UST: variants seen among roughly 807,000 people sequenced by gnomAD.
The protein encoded by UST is chondroitin sulfate 2-O-sulfotransferase.
In UST, 21 loss-of-function variants were observed where a neutral mutation model predicts 45.6. The ratio of observed to expected loss-of-function variants is 0.46; its 90% CI spans 0.33 to 0.66. The LOEUF is 0.66. Ranked by LOEUF, UST falls within the 30% of genes least tolerant of loss-of-function variation. The pLI, the probability that UST is intolerant of heterozygous loss-of-function variation, is 0.02. For synonymous variants in UST, 215 were observed against 200.6 expected, an observed-to-expected ratio of 1.07 and a Z score of -0.61; for missense variants, 463 against 512.4, an observed-to-expected ratio of 0.90 and a Z score of 0.93.
intron 2 of UST, among the ~76,000 whole-genome samples, chr6:148,907,922 T>G: frequency 7.1e-6 from 1 of 141,560 alleles, no homozygotes; most frequent in East Asian, 2.0e-4. Flanking sequence ...TTTTTTTTTT[T>G]TTTTTTGACA....
intron 1 of UST, among the ~76,000 whole-genome samples, chr6:148,839,058 CTT>C (rs1315460733): frequency 6.6e-6 from 1 of 152,222 alleles, no homozygotes; most frequent in East Asian, 1.9e-4. Flanking sequence ...ACTCCTCAAA[CTT>C]TAATGTGCAG....
At chr6:148,859,783 T>TG (rs1778272098) in intron 1 of UST, among the ~76,000 whole-genome samples, 1 of 152,212 alleles carries the variant, frequency 6.6e-6, no homozygotes, top group Admixed American at 6.5e-5. Flanking sequence ...TTGTCAGGTT[T>TG]GTCAAAGATC....
Position 149,021,046 on chromosome 6 carries a change from T to TC in UST, c.780-277dup, listed in dbSNP as rs759882182. ...CCTAACTGCTTGTGCCTGCATTCAT[T>TC]CGTCCACAATACTTAGGCAGGGCCT... On this transcript the variant is annotated intron_variant, in intron 6 of 7. Coordinates refer to ENST00000367463, the MANE Select transcript of UST (RefSeq NM_005715.3). Among the ~76,000 whole-genome samples the TC allele has an allele frequency of 3.9e-5, 6 of 152,332 alleles. 1 individual carries two copies. The highest frequency in any genetic ancestry group is 1.3e-4 in the Admixed American group (2 of 15,294).
intron 7 of UST, among the ~76,000 whole-genome samples, chr6:149,042,078 A>G (rs1311715527): frequency 6.6e-6 from 1 of 152,234 alleles, no homozygotes; most frequent in Non-Finnish European, 1.5e-5. Context: ...TGTGATAAAC[A>G]TTTTATGTGG....
intron 2 of UST, among the ~76,000 whole-genome samples, chr6:148,921,167 A>T (rs1017709422): frequency 7.9e-5 from 12 of 152,248 alleles, no homozygotes; most frequent in African/African-American, 2.9e-4. Flanking sequence ...GCAACCAGGC[A>T]GACAGAATCC....
intron 7 of UST, among the ~76,000 whole-genome samples, chr6:149,048,845 G>A (rs1776431786): frequency 6.6e-6 from 1 of 152,166 alleles, no homozygotes; most frequent in Non-Finnish European, 1.5e-5. Context: ...TCTGTTATGT[G>A]AACAAACACT....
intron 7 of UST, among the ~76,000 whole-genome samples, chr6:149,036,988 C>T (rs1776248047): frequency 6.6e-6 from 1 of 152,136 alleles, no homozygotes; most frequent in African/African-American, 2.4e-5. Flanking sequence ...GGTATCATTC[C>T]ACATAACCTG....
chr6:148,872,883 A>T (rs1387191767), intron 1 of UST, among the ~76,000 whole-genome samples: 1 of 152,090 alleles, frequency 6.6e-6, no homozygotes, highest in Non-Finnish European at 1.5e-5. Context: ...GATTACATTG[A>T]TTCGTCCCAA....
At chr6:148,887,271 G>C (rs186185513) in intron 2 of UST, among the ~76,000 whole-genome samples, 1 of 152,378 alleles carries the variant, frequency 6.6e-6, no homozygotes, top group Non-Finnish European at 1.5e-5. Flanking sequence ...TGGAGCCTGA[G>C]ACTGACTTCA....
At chr6:149,046,864 G>A (rs539134146) in intron 7 of UST, among the ~76,000 whole-genome samples, 1 of 152,334 alleles carries the variant, frequency 6.6e-6, no homozygotes, top group South Asian at 2.1e-4. Flanking sequence ...ATTCCCTGGT[G>A]TGATCCCTTG....
chr6:148,825,630 C>T (rs1777555254), intron 1 of UST, among the ~76,000 whole-genome samples: 1 of 152,300 alleles, frequency 6.6e-6, no homozygotes, highest in South Asian at 2.1e-4. Context: ...ATCCATCTTT[C>T]CACGGATCTG....
intron 1 of UST, among the ~76,000 whole-genome samples, chr6:148,754,276 A>C (rs549518259): frequency 1.3e-5 from 2 of 152,132 alleles, no homozygotes; most frequent in African/African-American, 2.4e-5. Context: ...GATTACAGGC[A>C]TGAGCCACCG....
intron 2 of UST, among the ~76,000 whole-genome samples, chr6:148,894,801 G>T (rs1482618374): frequency 6.9e-6 from 1 of 145,576 alleles, no homozygotes; most frequent in Non-Finnish European, 1.5e-5. Context: ...AGCTTATCAG[G>T]ATAATTTCAG....
intron 7 of UST, among the ~76,000 whole-genome samples, chr6:149,022,392 G>A (rs1466637336): frequency 6.6e-6 from 1 of 152,010 alleles, no homozygotes; most frequent in Non-Finnish European, 1.5e-5. Flanking sequence ...CTGACGTCAG[G>A]AGTTCGAGAC....
At chr6:148,856,303 A>C (rs1437664280) in intron 1 of UST, among the ~76,000 whole-genome samples, 1 of 152,204 alleles carries the variant, frequency 6.6e-6, no homozygotes, top group East Asian at 1.9e-4. Flanking sequence ...GGAGTGAGCC[A>C]CTGTGGCCAG....
intron 1 of UST, among the ~76,000 whole-genome samples, chr6:148,862,321 A>T (rs1005516026): frequency 4.1e-4 from 61 of 148,858 alleles, no homozygotes; most frequent in Non-Finnish European, 8.0e-4. Context: ...GATTGCAACC[A>T]CTGCTTTGTT....
intron 1 of UST, among the ~76,000 whole-genome samples, chr6:148,826,492 T>A (rs1777569774): frequency 6.6e-6 from 1 of 152,166 alleles, no homozygotes; most frequent in South Asian, 2.1e-4. Flanking sequence ...ATTGTCATTA[T>A]ACAAAAATGA....
chr6:148,926,854 G>T lies in UST; in HGVS notation c.292-14425G>T, dbSNP rs992916840. Among the ~76,000 whole-genome samples, 3 of 152,152 alleles carry T rather than the reference G, an allele frequency of 2.0e-5. No individual in the cohort carries two copies. The South Asian group carries it at 6.2e-4, about 32-fold the overall frequency. On this transcript the variant is annotated intron_variant, in intron 2 of 7. Transcript: ENST00000367463. ...AGGTCATGGTTCCTTTAGGAAGAGA[G>T]GAAAGTAGATATTAGGTAAGCAACT... is the stretch of plus-strand genomic sequence containing the variant.
intron 1 of UST, among the ~76,000 whole-genome samples, chr6:148,876,065 G>A (rs1213013327): frequency 6.6e-6 from 1 of 152,176 alleles, no homozygotes; most frequent in Non-Finnish European, 1.5e-5. Flanking sequence ...TAATTGGTTC[G>A]TGGTTCTGTA....
Sources: gnomAD v4.1 joint callset for allele counts (sites outside exome capture counted in the v4.1 genomes callset) on GRCh38, gnomAD v4.1.1 for gene constraint, MANE v1.5 for transcripts, NCBI Gene and HGNC (gene_info 2026-07-23, HGNC 2026-07-21) for gene names.